The following BTRC variants were observed in gnomAD, a reference collection of about 807,000 sequenced individuals.
BTRC encodes the protein beta-transducin repeat containing E3 ubiquitin protein ligase.
A neutral mutation model predicts 85.5 loss-of-function variants in BTRC; 42 were observed. That is an observed-to-expected ratio of 0.49 (90% CI 0.38 to 0.64). The LOEUF (loss-of-function observed/expected upper bound fraction) is 0.64. Ranked by LOEUF, BTRC falls within the 30% of genes least tolerant of loss-of-function variation. BTRC has a pLI of 0.00. For missense variants in BTRC, 594 were observed against 743.5 expected (o/e 0.80, Z 2.34); for synonymous variants, 255 against 263.3 (o/e 0.97, Z 0.30).
At chr10:101,466,343 C>T (rs530603285) in intron 3 of BTRC, among the ~76,000 whole-genome samples, 24 of 152,292 alleles carry the variant, frequency 1.6e-4, no homozygotes, top group African/African-American at 5.8e-4. Flanking sequence ...TTAGGTTTTT[C>T]TGTATTCTTT....
Position 101,531,293 on chromosome 10 carries a change from T to C in BTRC, c.800T>C (p.Phe267Ser), listed in dbSNP as rs1259867229. The C allele has an allele frequency of 3.7e-6, 6 of 1,611,360 alleles. No homozygotes were observed. Among genetic ancestry groups the C allele is most frequent in the Non-Finnish European group, 5.1e-6 (6 of 1,177,496 alleles). ...PPDGNAPPNS[F>S]YRALYPKIIQ... ...GACGGGAATGCTCCTCCCAACTCTT[T>C]TTATAGAGCACTTTATCCTAAAATT... Residue 267 changes from phenylalanine to serine, a missense_variant, in exon 7 of 15, where the codon TTT becomes TCT. This residue lies in a region of BTRC where 373 missense variants were observed against 503.6 expected (regional missense o/e 0.74). Transcript: ENST00000370187.
At chr10:101,439,947 C>G (rs2134107715) in intron 2 of BTRC, among the ~76,000 whole-genome samples, 1 of 152,324 alleles carries the variant, frequency 6.6e-6, no homozygotes, top group African/African-American at 2.4e-5. Flanking sequence ...AGAATTCACC[C>G]AGCTATTTTA....
intron 4 of BTRC, among the ~76,000 whole-genome samples, chr10:101,508,297 G>A (rs1946594687): frequency 6.6e-6 from 1 of 152,082 alleles, no homozygotes; most frequent in Non-Finnish European, 1.5e-5. Context: ...ATGACTGCAA[G>A]CTTTTTCTTG....
intron 2 of BTRC, among the ~76,000 whole-genome samples, chr10:101,434,407 G>A (rs1944475187): frequency 1.3e-5 from 2 of 151,810 alleles, no homozygotes; most frequent in South Asian, 4.2e-4. Flanking sequence ...GAACCTCAAC[G>A]GTTATACTGC....
At position 101,534,667 on chromosome 10, in the gene BTRC, G is replaced by A; in HGVS notation, c.1104G>A (p.Trp368Ter). The change falls in exon 10 of 15, where the codon TGG becomes TGA. Residue 368 changes from tryptophan (W) to a stop codon, truncating the protein, a stop_gained. Coordinates refer to ENST00000370187, the MANE Select transcript of BTRC (RefSeq NM_033637.4). LOFTEE classifies it high-confidence loss of function. Reference sequence around the variant, plus strand: ...TCTCATCTATCACTTCCAGAGTGTGGGATGTAAATACAGGTGAAATGCTAA... The same window carrying A: ...TCTCATCTATCACTTCCAGAGTGTGAGATGTAAATACAGGTGAAATGCTAA... ...TGSSDSTVRV[W>*]DVNTGEMLNT... 6.2e-7 allele frequency: 1 copy of A among 1,614,086 alleles called. No homozygotes were observed. The highest frequency in any genetic ancestry group is 2.2e-5 in the East Asian group (1 of 44,880).
At chr10:101,509,545 C>T (rs1188937407) in intron 4 of BTRC, among the ~76,000 whole-genome samples, 10 of 148,058 alleles carry the variant, frequency 6.8e-5, no homozygotes, top group Middle Eastern at 3.6e-3. Context: ...TGAGCCACCG[C>T]GCCCAGCCTT....
chr10:101,405,957 G>A (rs1943608754), intron 1 of BTRC, among the ~76,000 whole-genome samples: 1 of 152,084 alleles, frequency 6.6e-6, no homozygotes, highest in Admixed American at 6.6e-5. Flanking sequence ...ATTACATCAA[G>A]TTTATTATTA....
At chr10:101,359,346 T>C (rs918461545) in intron 1 of BTRC, among the ~76,000 whole-genome samples, 9 of 152,200 alleles carry the variant, frequency 5.9e-5, no homozygotes, top group African/African-American at 2.2e-4. Context: ...CCAGTTTAAA[T>C]TGGCTTTCAA....
Position 101,521,750 on chromosome 10 carries a change from G to C in BTRC, c.436G>C (p.Glu146Gln). Residue 146 changes from glutamate to glutamine, a missense_variant, in exon 5 of 15, where the codon GAG becomes CAG. By Grantham distance (29) the Glu-to-Gln change is conservative. This residue lies in a region of BTRC where 163 missense variants were observed against 180.5 expected (regional missense o/e 0.90). Transcript: ENST00000370187. ...LCVKYFEQWSESDQVEFVEHL... is the reference protein window; with the variant it reads ...LCVKYFEQWSQSDQVEFVEHL... ...TGTCAAATACTTTGAGCAGTGGTCA[G>C]AGTCAGATCAAGTGGAATTTGTGGA... is the stretch of plus-strand genomic sequence containing the variant. 6.2e-7 allele frequency: 1 copy of C among 1,614,050 alleles called. No individual in the cohort carries two copies. Among genetic ancestry groups the C allele is most frequent in the Non-Finnish European group, 8.5e-7 (1 of 1,179,904 alleles).
At chr10:101,519,149 C>T (rs2062065790) in intron 4 of BTRC, among the ~76,000 whole-genome samples, 1 of 146,310 alleles carries the variant, frequency 6.8e-6, no homozygotes, top group Non-Finnish European at 1.5e-5. Flanking sequence ...CGTGATCTCT[C>T]CTCACTGCAA....
rs187269511 is a variant in BTRC at position 101,479,830 on chromosome 10, G to T, written c.324+373G>T. 2.6e-5 allele frequency among the ~76,000 whole-genome samples: 4 copies of T among 152,266 alleles called. No homozygotes were observed. In the East Asian group the frequency reaches 7.7e-4, roughly 29 times the overall value. ...CATCATTGCAAGGACTGTGAAATAT[G>T]CTATAGACAACCCAATTATTATATC... On this transcript the variant is annotated intron_variant, in intron 4 of 14. Coordinates refer to ENST00000370187, the MANE Select transcript of BTRC (RefSeq NM_033637.4).
chr10:101,396,678 CTG>C (rs764421460), intron 1 of BTRC, among the ~76,000 whole-genome samples: 3 of 152,018 alleles, frequency 2.0e-5, no homozygotes, highest in Non-Finnish European at 4.4e-5. Context: ...TTGTGAAAGT[CTG>C]TGGAAACATC....
chr10:101,547,281 A>G (rs1330860913), intron 13 of BTRC, among the ~76,000 whole-genome samples: 1 of 151,792 alleles, frequency 6.6e-6, no homozygotes, highest in Non-Finnish European at 1.5e-5. Context: ...CCTGGGTGAC[A>G]AGAACGAAAC....
intron 4 of BTRC, among the ~76,000 whole-genome samples, chr10:101,513,032 A>G (rs1433118135): frequency 1.3e-5 from 2 of 152,174 alleles, no homozygotes; most frequent in Non-Finnish European, 2.9e-5. Flanking sequence ...CATACACTCT[A>G]ATATACAACC....
chr10:101,552,120 A>G (rs983067291), intron 14 of BTRC, among the ~76,000 whole-genome samples: 17 of 144,450 alleles, frequency 1.2e-4, no homozygotes, highest in Admixed American at 1.1e-3. Flanking sequence ...TTTCCCCCTC[A>G]CTCCCAAGAG....
intron 4 of BTRC, among the ~76,000 whole-genome samples, chr10:101,496,584 AAAT>A (rs971287111): frequency 3.3e-5 from 5 of 152,100 alleles, no homozygotes; most frequent in East Asian, 3.8e-4. Context: ...GCAATTTAAA[AAAT>A]AATAATAATA....
upstream of BTRC, chr10:101,354,123 C>CGGCCTGGCACCA: frequency 6.5e-7 from 1 of 1,539,092 alleles, no homozygotes; most frequent in Non-Finnish European, 8.8e-7. Flanking sequence ...GCGTTGGCTG[C>CGGCCTGGCACCA]GGCCTGGCAC....
intron 4 of BTRC, among the ~76,000 whole-genome samples, chr10:101,497,524 C>T (rs1039501212): frequency 6.6e-6 from 1 of 152,016 alleles, no homozygotes; most frequent in Admixed American, 6.6e-5. Context: ...AAGTGAGACC[C>T]CTGTCTCTAC....
At chr10:101,406,789 C>T (rs1254270473) in intron 1 of BTRC, among the ~76,000 whole-genome samples, 1 of 152,054 alleles carries the variant, frequency 6.6e-6, no homozygotes, top group Non-Finnish European at 1.5e-5. Context: ...CCACCTCAGC[C>T]TCGCAAAGTG....
Sources: gnomAD v4.1 joint callset for allele counts (sites outside exome capture counted in the v4.1 genomes callset) on GRCh38, gnomAD v4.1.1 for gene constraint, gnomAD v4.1.1 regional missense constraint, MANE v1.5 for transcripts, NCBI Gene and HGNC (gene_info 2026-07-23, HGNC 2026-07-21) for gene names.